The following MEGF6 variants were observed in gnomAD, a reference collection of about 807,000 sequenced individuals.
MEGF6 encodes the protein multiple epidermal growth factor-like domains protein 6.
Under a neutral mutation model 207.1 loss-of-function variants are expected in MEGF6, and 184 were observed. The ratio of observed to expected loss-of-function variants is 0.89; its 90% CI spans 0.79 to 1.00. The LOEUF is 1.00. MEGF6 is among the 50% of genes least tolerant of loss of function. MEGF6 has a pLI of 0.00. For missense variants in MEGF6, 2,282 were observed against 2,202.9 expected (o/e 1.04, Z -0.72); for synonymous variants, 1,038 against 910.0 (o/e 1.14, Z -2.53).
chr1:3,568,829 C>T (rs577062758), intron 4 of MEGF6, among the ~76,000 whole-genome samples: 2 of 152,306 alleles, frequency 1.3e-5, no homozygotes, highest in Admixed American at 6.5e-5. Context: ...CTCCACCAGC[C>T]AAACACAGCC....
In MEGF6 at chr1:3,501,937, C is replaced by A. The variant is rs374617309; in HGVS notation, c.2189-16G>T. On this transcript the variant is annotated splice_polypyrimidine_tract_variant and intron_variant, in intron 17 of 36. Transcript: ENST00000356575. ...ACCGGGCACTCTGCAGGAGAAAGCA[C>A]GAGGGGCCTTAGCCGCACCACGTGG... 7 of 1,605,374 alleles carry A rather than the reference C, an allele frequency of 4.4e-6. No homozygotes were observed. Among genetic ancestry groups the A allele is most frequent in the Non-Finnish European group, 5.9e-6 (7 of 1,177,134 alleles).
Position 3,509,162 on chromosome 1 carries a change from G to C in MEGF6, c.1441C>G (p.Leu481Val). The change falls in exon 12 of 37, where the codon CTG becomes GTG. Residue 481 changes from leucine to valine, a missense_variant. Coordinates refer to ENST00000356575, the MANE Select transcript of MEGF6 (RefSeq NM_001409.4). ...TCGTCATCCTGGAAGAGTTGCGGCA[G>C]CTCGTCCTGGAGCACGGCAATGTGG... ...LPHIAVLQDELPQLFQDDDVG... is the reference protein window; with the variant it reads ...LPHIAVLQDEVPQLFQDDDVG... 6.3e-7 allele frequency: 1 copy of C among 1,584,098 alleles called. No individual in the cohort carries two copies. The highest frequency in any genetic ancestry group is 8.6e-7 in the Non-Finnish European group (1 of 1,165,938).
chr1:3,507,116 C>A (rs570860262), intron 14 of MEGF6, among the ~76,000 whole-genome samples: 1 of 152,290 alleles, frequency 6.6e-6, no homozygotes, highest in East Asian at 1.9e-4. Flanking sequence ...CTGGGGTCCC[C>A]ACCACCACCA....
Position 3,558,271 on chromosome 1 carries a change from C to T in MEGF6, c.481+21554G>A, listed in dbSNP as rs576857334. Among the ~76,000 whole-genome samples, 7 of 152,326 alleles carry T rather than the reference C, an allele frequency of 4.6e-5. No homozygotes were observed. The East Asian group carries it at 1.4e-3, about 29-fold the overall frequency. On this transcript the variant is annotated intron_variant, in intron 4 of 36. Coordinates refer to ENST00000356575, the MANE Select transcript of MEGF6 (RefSeq NM_001409.4). ...CTCTCTCGTCCCCTCCTCTCTCTCC[C>T]ACTCCACCAACTGGTCATGCATAAA...
At chr1:3,593,713 C>A (rs1644016366) in intron 3 of MEGF6, among the ~76,000 whole-genome samples, 1 of 152,038 alleles carries the variant, frequency 6.6e-6, no homozygotes, top group African/African-American at 2.4e-5. Flanking sequence ...TGCCCCCTCC[C>A]CACTAAAAAG....
chr1:3,587,447 CTTTG>C (rs1224746064), intron 3 of MEGF6, among the ~76,000 whole-genome samples: 1 of 152,226 alleles, frequency 6.6e-6, no homozygotes, highest in East Asian at 1.9e-4. Flanking sequence ...TTCAATGTGA[CTTTG>C]TTTGTTGTGA....
intron 4 of MEGF6, among the ~76,000 whole-genome samples, chr1:3,540,290 A>G (rs1447655235): frequency 1.3e-5 from 2 of 152,212 alleles, no homozygotes; most frequent in Non-Finnish European, 2.9e-5. Flanking sequence ...CAGGCCTCTG[A>G]CCACAGACGC....
intron 6 of MEGF6, 144 bp downstream of exon 6, chr1:3,515,254 GCTTC>G: frequency 1.0e-6 from 1 of 983,390 alleles, no homozygotes; most frequent in Admixed American, 2.5e-5. Context: ...CCCATCCTGA[GCTTC>G]CTGGCCCCAA....
At chr1:3,587,879 G>A (rs1570204023) in intron 3 of MEGF6, among the ~76,000 whole-genome samples, 2 of 132,344 alleles carry the variant, frequency 1.5e-5, no homozygotes, top group African/African-American at 2.8e-5. Flanking sequence ...GGAGTGGCCA[G>A]GAGTGGCCAG....
At chr1:3,515,128 C>G (rs552348030) in intron 6 of MEGF6, among the ~76,000 whole-genome samples, 1 of 152,212 alleles carries the variant, frequency 6.6e-6, no homozygotes, top group Non-Finnish European at 1.5e-5. Context: ...GCAAAGCCCC[C>G]CCTTTCCACG....
chr1:3,551,267 G>C (rs1157259275), intron 4 of MEGF6, among the ~76,000 whole-genome samples: 1 of 152,220 alleles, frequency 6.6e-6, no homozygotes, highest in African/African-American at 2.4e-5. Flanking sequence ...GCTGGTGTCA[G>C]CCTGCTCCTG....
chr1:3,513,577 CTT>C (rs757815891), intron 7 of MEGF6, among the ~76,000 whole-genome samples: 2,247 of 56,280 alleles, frequency 0.04, 18 homozygotes, highest in Non-Finnish European at 0.051. Flanking sequence ...CACACCTGGG[CTT>C]TTTTTTTTTT....
chr1:3,601,356 G>T (rs1339638532), intron 2 of MEGF6, among the ~76,000 whole-genome samples: 1 of 152,260 alleles, frequency 6.6e-6, no homozygotes, highest in Non-Finnish European at 1.5e-5. Context: ...CATCCACAGG[G>T]CAGGCCCGCA....
intron 4 of MEGF6, among the ~76,000 whole-genome samples, chr1:3,527,920 G>A (rs774037577): frequency 2.6e-5 from 4 of 152,230 alleles, no homozygotes; most frequent in African/African-American, 9.6e-5. Flanking sequence ...GAAATTCCAC[G>A]CTCCCTCTGA....
intron 4 of MEGF6, among the ~76,000 whole-genome samples, chr1:3,569,501 G>GA (rs1481449813): frequency 6.6e-6 from 1 of 152,248 alleles, no homozygotes; most frequent in Non-Finnish European, 1.5e-5. Context: ...GATGGGACAG[G>GA]ATGGCCGAGG....
intron 17 of MEGF6, among the ~76,000 whole-genome samples, chr1:3,504,929 G>A (rs961064046): frequency 6.6e-6 from 1 of 152,158 alleles, no homozygotes; most frequent in Non-Finnish European, 1.5e-5. Flanking sequence ...GAGGAGTTTG[G>A]AGAGAAACTG....
chr1:3,501,871 C>A lies in MEGF6; in HGVS notation c.2239G>T (p.Gly747Trp), dbSNP rs374482969. ...GTGACCCCGTGGCAGGGGGCCCCCC[C>A]ACAGGAGCAGGAGCTCGAGCAGTTC... is the stretch of plus-strand genomic sequence containing the variant. The part of the protein sequence containing the change: ...GVNCSSSCSC[G>W]GAPCHGVTGQ... The change falls in exon 18 of 37, where the codon GGG (glycine) becomes TGG (tryptophan). Residue 747 changes from glycine to tryptophan, a missense_variant. Coordinates refer to ENST00000356575, the MANE Select transcript of MEGF6 (RefSeq NM_001409.4). The A allele has an allele frequency of 1.6e-4, 254 of 1,608,874 alleles. No individual in the cohort carries two copies. The highest frequency in any genetic ancestry group is 2.0e-4 in the Non-Finnish European group (232 of 1,178,688).
At position 3,515,302 on chromosome 1, in the gene MEGF6, T is replaced by TG; in HGVS notation, c.730+99dup. The TG allele has an allele frequency of 2.9e-6, 4 of 1,401,706 alleles. No individual in the cohort carries two copies. The South Asian group carries it at 5.4e-5, about 19-fold the overall frequency. The allele number at this position is 1,401,706 out of a possible 1,614,324, so 86.8% of individuals were successfully genotyped here. A position where few individuals can be genotyped will look rare whatever the true frequency, so the allele number is the denominator to read the frequency against. On this transcript the variant is annotated intron_variant, in intron 6 of 36. Transcript: ENST00000356575. ...TCCCTACCAGGCCTCTCAGCAGCCT[T>TG]GGGGGCCTCCTGAAGACCCACTTCC...
chr1:3,574,381 C>T lies in MEGF6; in HGVS notation c.481+5444G>A, dbSNP rs114248576. Among the ~76,000 whole-genome samples the T allele has an allele frequency of 7.1e-3, 1,083 of 152,266 alleles. 14 individuals are homozygous for T. The highest frequency in any genetic ancestry group is 0.024 in the African/African-American group (989 of 41,552). On this transcript the variant is annotated intron_variant, in intron 4 of 36. Coordinates refer to ENST00000356575, the MANE Select transcript of MEGF6 (RefSeq NM_001409.4). ...CTCCTGTCTCTGTCCTGTCTGGAAA[C>T]TTGTCCGGAACAAATTGCACCTCCC...
Sources: gnomAD v4.1 joint callset for allele counts (sites outside exome capture counted in the v4.1 genomes callset) on GRCh38, gnomAD v4.1.1 for gene constraint, MANE v1.5 for transcripts, NCBI Gene and HGNC (gene_info 2026-07-23, HGNC 2026-07-21) for gene names.